RANBP2: variants seen among roughly 807,000 people sequenced by gnomAD.
The protein encoded by RANBP2 is RAN binding protein 2.
A neutral mutation model predicts 303.6 loss-of-function variants in RANBP2; 57 were observed. The observed-to-expected ratio is 0.19, with a 90% CI of 0.15 to 0.23. The LOEUF (loss-of-function observed/expected upper bound fraction) is 0.23. Among genes scored for constraint, RANBP2 ranks in the 10% least tolerant of loss-of-function variants. The probability of loss-of-function intolerance (pLI) is 1.00; values close to 1 mark genes in which losing one functional copy is unlikely to be tolerated. For synonymous variants in RANBP2, 1,167 were observed against 1,301.5 expected (o/e 0.90, Z 2.23); for missense variants, 3,138 against 3,780.8 (o/e 0.83, Z 4.46).
chr2:109,106,696 G>A, the RANBP2 span, among the ~76,000 whole-genome samples: 1 of 151,884 alleles, frequency 6.6e-6, no homozygotes, highest in Non-Finnish European at 1.5e-5. Flanking sequence ...AATTAGCCGG[G>A]CATGGTGGCG....
chr2:108,808,357 C>G, the RANBP2 span, among the ~76,000 whole-genome samples: 1 of 152,134 alleles, frequency 6.6e-6, no homozygotes, highest in African/African-American at 2.4e-5. Context: ...CTGATTTTCT[C>G]TCCTGTGAAT....
the RANBP2 span, among the ~76,000 whole-genome samples, chr2:109,190,717 G>T: frequency 6.6e-6 from 1 of 152,034 alleles, no homozygotes; most frequent in Admixed American, 6.6e-5. Context: ...AATTTGCTAG[G>T]TGTTGGGTGT....
chr2:108,921,186 A>G, the RANBP2 span, among the ~76,000 whole-genome samples: 2 of 152,030 alleles, frequency 1.3e-5, no homozygotes, highest in Admixed American at 1.3e-4. Flanking sequence ...ACAGGTGCCT[A>G]GGCATAGGGT....
At chr2:109,679,813 A>C in the RANBP2 span, among the ~76,000 whole-genome samples, 25 of 152,210 alleles carry the variant, frequency 1.6e-4, no homozygotes, top group Admixed American at 3.3e-4. Context: ...TACTTAACAC[A>C]GTTTACAAAG....
At chr2:108,847,690 C>CTGTCTT in the RANBP2 span, among the ~76,000 whole-genome samples, 6 of 152,120 alleles carry the variant, frequency 3.9e-5, no homozygotes, top group East Asian at 5.8e-4. Flanking sequence ...TACCATCTTT[C>CTGTCTT]TGTCTTCCCT....
chr2:109,054,793 CACCA>C, the RANBP2 span, among the ~76,000 whole-genome samples: 42 of 152,184 alleles, frequency 2.8e-4, no homozygotes, highest in South Asian at 7.3e-3. Flanking sequence ...GCGTTCCCAT[CACCA>C]GTATGTTCCC....
the RANBP2 span, among the ~76,000 whole-genome samples, chr2:108,864,676 C>T: frequency 0.072 from 10,953 of 152,118 alleles, 506 homozygotes; most frequent in South Asian, 0.15. Context: ...CGCCTGTAGT[C>T]CCAGCTACTC....
chr2:109,315,943 A>T, the RANBP2 span, among the ~76,000 whole-genome samples: 1 of 152,124 alleles, frequency 6.6e-6, no homozygotes, highest in South Asian at 2.1e-4. Flanking sequence ...GAGAATATGG[A>T]GCCTTTTGAG....
chr2:109,039,039 C>T, the RANBP2 span, among the ~76,000 whole-genome samples: 1 of 152,158 alleles, frequency 6.6e-6, no homozygotes, highest in Non-Finnish European at 1.5e-5. Flanking sequence ...ATGTGATTAA[C>T]ATCTAAATCA....
chr2:108,885,871 T>C, the RANBP2 span, among the ~76,000 whole-genome samples: 1 of 152,254 alleles, frequency 6.6e-6, no homozygotes, highest in Admixed American at 6.5e-5. Context: ...CATTTGTCTG[T>C]TTTGCTTGGC....
chr2:109,117,766 C>T, the RANBP2 span, among the ~76,000 whole-genome samples: 20 of 130,130 alleles, frequency 1.5e-4, 1 homozygote, highest in South Asian at 1.8e-3. Context: ...TGTTCCTATT[C>T]GGCCATCTTG....
chr2:109,554,757 G>T, the RANBP2 span, among the ~76,000 whole-genome samples: 30 of 152,206 alleles, frequency 2.0e-4, no homozygotes, highest in Non-Finnish European at 2.2e-4. Context: ...CCTCATATAT[G>T]TAACAGGTAC....
the RANBP2 span, among the ~76,000 whole-genome samples, chr2:109,376,195 C>T: frequency 6.6e-6 from 1 of 152,274 alleles, no homozygotes; most frequent in Admixed American, 6.5e-5. Context: ...GCACTGAACA[C>T]ATTTGGCCTG....
chr2:108,738,365 G>A (rs555135151), intron 6 of RANBP2, among the ~76,000 whole-genome samples: 231 of 152,066 alleles, frequency 1.5e-3, no homozygotes, highest in Non-Finnish European at 2.4e-3. Context: ...GTGAGCCACC[G>A]CGCCCAGCTG....
At chr2:109,386,793 C>T in the RANBP2 span, among the ~76,000 whole-genome samples, 1 of 152,148 alleles carries the variant, frequency 6.6e-6, no homozygotes, top group Non-Finnish European at 1.5e-5. Flanking sequence ...TTGCCTGAAA[C>T]ATCATGCTCT....
At chr2:109,629,341 ATATATATATATATATTTTT>A in the RANBP2 span, among the ~76,000 whole-genome samples, 246 of 8,220 alleles carry the variant, frequency 0.03, 7 homozygotes, top group Middle Eastern at 0.091. Flanking sequence ...ATATATATAT[ATATATATATATATATTTTT>A]TTTTTTTTTT....
chr2:108,975,090 G>A, the RANBP2 span, among the ~76,000 whole-genome samples: 1 of 152,224 alleles, frequency 6.6e-6, no homozygotes, highest in Non-Finnish European at 1.5e-5. Context: ...CTAGCCCCAA[G>A]TGCCACCTGG....
At chr2:109,522,603 CT>C in the RANBP2 span, among the ~76,000 whole-genome samples, 2 of 149,634 alleles carry the variant, frequency 1.3e-5, no homozygotes, top group African/African-American at 5.0e-5. Context: ...CGTGCCCAGC[CT>C]TTTTTTTTCC....
chr2:109,737,418 A>G, the RANBP2 span: 2 of 656,452 alleles, frequency 3.0e-6, no homozygotes, highest in South Asian at 3.6e-5. Flanking sequence ...AATTGGCAGC[A>G]TCCACGATTC....
Sources: allele counts gnomAD v4.1 joint callset (sites outside exome capture counted in the v4.1 genomes callset), GRCh38; gene constraint gnomAD v4.1.1; transcripts MANE v1.5; gene names NCBI Gene and HGNC (gene_info 2026-07-23, HGNC 2026-07-21).